GUCY1A1: variants seen among roughly 807,000 people sequenced by gnomAD.
GUCY1A1 encodes the protein guanylate cyclase 1 soluble subunit alpha 1.
Under a neutral mutation model 64.5 loss-of-function variants are expected in GUCY1A1, and 48 were observed. The observed-to-expected ratio is 0.74, with a 90% confidence interval of 0.59 to 0.95. The LOEUF (loss-of-function observed/expected upper bound fraction) is 0.95. Among genes scored for constraint, GUCY1A1 ranks in the 40% least tolerant of loss-of-function variants. The pLI is 0.00. For missense variants in GUCY1A1, 804 were observed against 825.3 expected (o/e 0.97, Z 0.32); for synonymous variants, 308 against 303.4 (o/e 1.02, Z -0.16).
chr4:155,677,753 G>A (rs34007759), intron 2 of GUCY1A1, among the ~76,000 whole-genome samples: 28,531 of 151,916 alleles, frequency 0.19, 2,879 homozygotes, highest in Middle Eastern at 0.27. Flanking sequence ...TTTGGAAACT[G>A]AGGCAGGAGA....
At chr4:155,685,720 G>A (rs6815090) in intron 2 of GUCY1A1, among the ~76,000 whole-genome samples, 1 of 149,378 alleles carries the variant, frequency 6.7e-6, no homozygotes, top group Non-Finnish European at 1.5e-5. Context: ...GCATTGCATA[G>A]ATGTCTTAAT....
Position 155,730,226 on chromosome 4 carries a change from G to GGTTGCTAATCT in GUCY1A1, c.2068_2069insGTTGCTAATCT (p.Asp690GlyfsTer3). ...TTTTTTAGGCAAAGCATCAGGAATA[G>GGTTGCTAATCT]ATTAGCAACCTATATACCTATTTAT... On this transcript the variant is annotated stop_gained and frameshift_variant, in exon 10 of 10. Coordinates refer to ENST00000506455, the MANE Select transcript of GUCY1A1 (RefSeq NM_001130682.3). LOFTEE classifies it high-confidence loss of function. 6.3e-7 allele frequency: 1 copy of GGTTGCTAATCT among 1,595,786 alleles called. No individual in the cohort carries two copies. The highest frequency in any genetic ancestry group is 8.6e-7 in the Non-Finnish European group (1 of 1,164,102).
At chr4:155,673,680 C>T (rs1412575211) in intron 2 of GUCY1A1, among the ~76,000 whole-genome samples, 4 of 151,174 alleles carry the variant, frequency 2.6e-5, no homozygotes, top group Admixed American at 6.6e-5. Flanking sequence ...CTGTGTGTGG[C>T]GGAACGGGTA....
At position 155,671,363 on chromosome 4, in the gene GUCY1A1, T is replaced by C. The variant is rs993389617; in HGVS notation, c.-113+3944T>C. On this transcript the variant is annotated intron_variant, in intron 2 of 9. Coordinates refer to ENST00000506455, the MANE Select transcript of GUCY1A1 (RefSeq NM_001130682.3). Reference sequence around the variant, plus strand: ...ACTTTTAATGTTTGCTTTACCTTCCTTGCTGTTGATTTAGCTGGACAAAGA... The same window carrying C: ...ACTTTTAATGTTTGCTTTACCTTCCCTGCTGTTGATTTAGCTGGACAAAGA... Among the ~76,000 whole-genome samples, 7 of 152,224 alleles carry C rather than the reference T, an allele frequency of 4.6e-5. No individual in the cohort carries two copies. The East Asian group carries it at 1.2e-3, about 25-fold the overall frequency.
chr4:155,712,793 C>T (rs1392002818), intron 6 of GUCY1A1, among the ~76,000 whole-genome samples: 1 of 152,130 alleles, frequency 6.6e-6, no homozygotes, highest in African/African-American at 2.4e-5. Context: ...CAAGTGAGAC[C>T]ATTAAGAAGA....
At chr4:155,705,385 C>T (rs944249596) in intron 4 of GUCY1A1, among the ~76,000 whole-genome samples, 3 of 151,808 alleles carry the variant, frequency 2.0e-5, no homozygotes, top group African/African-American at 7.3e-5. Context: ...CCCGTCTCTA[C>T]TAAAAACACA....
At chr4:155,710,069 T>C (rs1732353110) in intron 5 of GUCY1A1, among the ~76,000 whole-genome samples, 2 of 152,164 alleles carry the variant, frequency 1.3e-5, no homozygotes, top group Non-Finnish European at 2.9e-5. Flanking sequence ...AAAAAATGCT[T>C]TGTAATCATT....
intron 3 of GUCY1A1, among the ~76,000 whole-genome samples, chr4:155,701,014 T>A (rs1462828498): frequency 6.6e-6 from 1 of 152,164 alleles, no homozygotes; most frequent in Non-Finnish European, 1.5e-5. Context: ...CAGATCTCAC[T>A]TATAGTTGAA....
chr4:155,675,953 T>C (rs1734851160), intron 2 of GUCY1A1, among the ~76,000 whole-genome samples: 1 of 151,476 alleles, frequency 6.6e-6, no homozygotes, highest in Admixed American at 6.6e-5. Flanking sequence ...AAAATTGCTC[T>C]CCCACTTGGT....
In GUCY1A1 at chr4:155,736,873, T is replaced by G. The variant is rs1219426991; in HGVS notation, c.*6642T>G. 1 of 151,920 alleles carries G rather than the reference T, an allele frequency of 6.6e-6. No homozygotes were observed. The highest frequency in any genetic ancestry group is 2.1e-4 in the South Asian group (1 of 4,826). The allele number at this position is 151,920 out of a possible 1,614,324, so 9.4% of individuals were successfully genotyped here. ...CCTGCATTGAAAACCTTCTTAGTAC[T>G]AACAACACTCCTTTTATTATTACCT... On this transcript the variant is annotated 3_prime_UTR_variant, in exon 10 of 10. Coordinates refer to ENST00000506455, the MANE Select transcript of GUCY1A1 (RefSeq NM_001130682.3).
At chr4:155,704,376 C>T (rs1389912173) in intron 4 of GUCY1A1, among the ~76,000 whole-genome samples, 2 of 152,162 alleles carry the variant, frequency 1.3e-5, no homozygotes, top group Non-Finnish European at 2.9e-5. Flanking sequence ...ACAGGTAAGT[C>T]ATGGATCCCA....
intron 2 of GUCY1A1, among the ~76,000 whole-genome samples, chr4:155,694,955 C>G (rs1029132613): frequency 1.3e-5 from 2 of 152,152 alleles, no homozygotes; most frequent in African/African-American, 4.8e-5. Context: ...CCCCCTATAG[C>G]CATATTACCT....
Position 155,713,515 on chromosome 4 carries a change from G to A in GUCY1A1, c.1504G>A (p.Val502Ile). Residue 502 changes from valine to isoleucine, a missense_variant, in exon 7 of 10, where the codon GTC (valine) becomes ATC (isoleucine). Coordinates refer to ENST00000506455, the MANE Select transcript of GUCY1A1 (RefSeq NM_001130682.3). ...CTGCTCCCAGTGCTCACCGCTGCAGGTCATCACCATGCTCAATGCACTGTA... is the reference window on the plus strand; with the variant it reads ...CTGCTCCCAGTGCTCACCGCTGCAGATCATCACCATGCTCAATGCACTGTA... ...AICSQCSPLQ[V>I]ITMLNALYTR... 1 of 1,614,066 alleles carries A rather than the reference G, an allele frequency of 6.2e-7. No homozygotes were observed. The highest frequency in any genetic ancestry group is 8.5e-7 in the Non-Finnish European group (1 of 1,179,958).
intron 2 of GUCY1A1, among the ~76,000 whole-genome samples, chr4:155,686,971 G>C (rs1729077866): frequency 6.6e-6 from 1 of 151,914 alleles, no homozygotes; most frequent in African/African-American, 2.4e-5. Flanking sequence ...TAACTTTCTT[G>C]GTATATTCTC....
At chr4:155,677,727 C>T (rs961648601) in intron 2 of GUCY1A1, among the ~76,000 whole-genome samples, 3 of 151,990 alleles carry the variant, frequency 2.0e-5, no homozygotes, top group African/African-American at 7.3e-5. Context: ...TGGTGGGTGC[C>T]TGTAATCCCA....
intron 2 of GUCY1A1, among the ~76,000 whole-genome samples, chr4:155,687,011 A>G (rs1729087441): frequency 1.3e-5 from 2 of 152,180 alleles, no homozygotes; most frequent in Non-Finnish European, 2.9e-5. Flanking sequence ...ATTGCTTTCT[A>G]TATTTGTAGG....
At chr4:155,680,462 G>A (rs200031331) in intron 2 of GUCY1A1, among the ~76,000 whole-genome samples, 1 of 82,748 alleles carries the variant, frequency 1.2e-5, no homozygotes. Context: ...TTAAGTATAT[G>A]TGTGTGTGTG....
chr4:155,728,934 A>G (rs1735141482), intron 9 of GUCY1A1, among the ~76,000 whole-genome samples: 1 of 151,862 alleles, frequency 6.6e-6, no homozygotes, highest in Non-Finnish European at 1.5e-5. Context: ...TAGTCACTCA[A>G]AAATATTTAT....
At chr4:155,722,581 C>G (rs758404337) in intron 9 of GUCY1A1, 7 of 292,312 alleles carry the variant, frequency 2.4e-5, no homozygotes, top group Non-Finnish European at 3.6e-5. Flanking sequence ...GGCACAGAAC[C>G]CAACAAGCCT....
Sources: allele counts gnomAD v4.1 joint callset (sites outside exome capture counted in the v4.1 genomes callset), GRCh38; gene constraint gnomAD v4.1.1; transcripts MANE v1.5; gene names NCBI Gene and HGNC (gene_info 2026-07-23, HGNC 2026-07-21).